NDST1: variants seen among roughly 807,000 people sequenced by gnomAD.
NDST1 encodes the protein N-deacetylase and N-sulfotransferase 1, also known as bifunctional heparan sulfate N-deacetylase/N-sulfotransferase 1.
Under a neutral mutation model 92.8 loss-of-function variants are expected in NDST1, and 35 were observed. The ratio of observed to expected loss-of-function variants is 0.38; its 90% CI spans 0.29 to 0.50. The LOEUF (loss-of-function observed/expected upper bound fraction) is 0.50. NDST1 is among the 20% of genes least tolerant of loss of function. NDST1 has a pLI of 0.94. For synonymous variants in NDST1, 493 were observed against 500.3 expected (o/e 0.99, Z 0.19); for missense variants, 822 against 1,182.7 (o/e 0.69, Z 4.47).
chr5:150,544,761 C>T (rs759202640), intron 10 of NDST1, among the ~76,000 whole-genome samples: 1 of 152,206 alleles, frequency 6.6e-6, no homozygotes, highest in East Asian at 1.9e-4. Flanking sequence ...TCTGGAAAGC[C>T]GTGCTCACCC....
At chr5:150,534,809 C>G (rs6890812) in intron 4 of NDST1, 58 bp from the exon 5 acceptor site, 1 of 1,611,116 alleles carries the variant, frequency 6.2e-7, no homozygotes, top group Non-Finnish European at 8.5e-7. Context: ...AGGCACAGGC[C>G]CAGGTTAGAG....
intron 12 of NDST1, 81 bp from the exon 13 acceptor site, chr5:150,549,597 G>A (rs1755634707): frequency 7.5e-6 from 6 of 799,900 alleles, no homozygotes; most frequent in Non-Finnish European, 1.3e-5. Flanking sequence ...TTATAAGCAG[G>A]CCCATTCCTG....
At chr5:150,514,019 C>T (rs1051927045) in intron 1 of NDST1, among the ~76,000 whole-genome samples, 2 of 152,216 alleles carry the variant, frequency 1.3e-5, no homozygotes, top group African/African-American at 4.8e-5. Context: ...TAGGGGAGTG[C>T]AGTGGGAGCC....
At chr5:150,507,340 G>T (rs1753505977), upstream of NDST1, among the ~76,000 whole-genome samples, 1 of 151,966 alleles carries the variant, frequency 6.6e-6, no homozygotes, top group Non-Finnish European at 1.5e-5. Flanking sequence ...GCTCTCCTTG[G>T]CATCCTCTAA....
In NDST1 at chr5:150,518,246, C is replaced by G. The variant is rs960419132; in HGVS notation, c.-387-2622C>G. Among the ~76,000 whole-genome samples the G allele has an allele frequency of 3.6e-3, 547 of 152,262 alleles. 1 individual carries two copies. Among genetic ancestry groups the G allele is most frequent in the African/African-American group, 0.013 (526 of 41,538 alleles). Reference sequence around the variant, plus strand: ...CTCCAGGAAGCCTTCCCTGTCCCCTCCTTCCCCCTGCCAGAAGAGTTAAGG... The same window carrying G: ...CTCCAGGAAGCCTTCCCTGTCCCCTGCTTCCCCCTGCCAGAAGAGTTAAGG... On this transcript the variant is annotated intron_variant, in intron 1 of 14. Transcript: ENST00000261797.
chr5:150,521,421 G>A lies in NDST1; in HGVS notation c.167G>A (p.Cys56Tyr). 2.5e-6 allele frequency: 4 copies of A among 1,612,784 alleles called. No individual in the cohort carries two copies. Among genetic ancestry groups the A allele is most frequent in the Non-Finnish European group, 3.4e-6 (4 of 1,179,812 alleles). Residue 56 changes from cysteine (C) to tyrosine (Y), a missense_variant, in exon 2 of 15, where the codon TGC (cysteine) becomes TAC (tyrosine). By Grantham distance (194) the Cys-to-Tyr change is radical. Coordinates refer to ENST00000261797, the MANE Select transcript of NDST1 (RefSeq NM_001543.5). The surrounding 1 kb of genome is among the most constrained non-coding windows in gnomAD (Gnocchi z 5.9). ...EPSADAPEPDCGDPPPVAPSR... is the reference protein window; with the variant it reads ...EPSADAPEPDYGDPPPVAPSR... The stretch of plus-strand genomic sequence containing the variant: ...TCGGCGGATGCCCCCGAGCCTGACT[G>A]CGGGGACCCGCCGCCTGTGGCCCCC...
chr5:150,537,772 C>T (rs775871862), intron 6 of NDST1, among the ~76,000 whole-genome samples: 5 of 152,230 alleles, frequency 3.3e-5, no homozygotes, highest in Non-Finnish European at 7.3e-5. Flanking sequence ...CTAATAAAAA[C>T]TTGCTGGTTT....
Position 150,554,337 on chromosome 5 carries a change from A to T in NDST1, c.*1005A>T, listed in dbSNP as rs1406376266. The T allele has an allele frequency of 1.1e-4, 17 of 147,870 alleles. No individual in the cohort carries two copies. Among genetic ancestry groups the T allele is most frequent in the Middle Eastern group, 3.2e-3 (1 of 310 alleles). The allele number at this position is 147,870 out of a possible 1,614,324, so 9.2% of individuals were successfully genotyped here. ...CTGGGTGCTGGGGTCGCACTGTGTT[A>T]TATATATATATATATATATATAATG... On this transcript the variant is annotated 3_prime_UTR_variant, in exon 15 of 15. Transcript: ENST00000261797.
At chr5:150,520,846 C>G (rs900090691) in intron 1 of NDST1, 22 bp from the exon 2 acceptor site, 1 of 426,000 alleles carries the variant, frequency 2.3e-6, no homozygotes, top group African/African-American at 2.0e-5. Flanking sequence ...TCTGACGCTC[C>G]TGTTCTCTCC....
Position 150,545,447 on chromosome 5 carries a change from C to A in NDST1, c.2106C>A (p.Ile702=). ...TGCCCAAAGCCAAGGTCCTGACCAT[C>A]CTCATCAACCCCGCGGACCGGGCCT... is the stretch of plus-strand genomic sequence containing the variant. ...ALLPKAKVLT[I]LINPADRAYS... is the part of the protein sequence containing the mutation. Residue 702 remains isoleucine (I), a synonymous_variant, in exon 11 of 15, where the codon ATC becomes ATA. Transcript: ENST00000261797. The A allele has an allele frequency of 6.2e-7, 1 of 1,614,266 alleles. No homozygotes were observed. Among genetic ancestry groups the A allele is most frequent in the Non-Finnish European group, 8.5e-7 (1 of 1,180,046 alleles).
Position 150,549,544 on chromosome 5 carries a change from CAG to C in NDST1, c.2317-133_2317-132del. On this transcript the variant is annotated intron_variant, in intron 12 of 14. Transcript: ENST00000261797. ...GAGCTTGGGGATACCTGCCCTTCAA[CAG>C]GGGAGGAGGAGCCAGTTCTAGAGGG... 7 of 697,198 alleles carry C rather than the reference CAG, an allele frequency of 1.0e-5. No homozygotes were observed. In the South Asian group the frequency reaches 1.1e-4, roughly 11 times the overall value. 43.2% of individuals were successfully genotyped at this position (697,198 alleles called of 1,614,324 possible).
intron 12 of NDST1, 76 bp downstream of exon 12, chr5:150,548,464 T>C: frequency 6.5e-7 from 1 of 1,528,216 alleles, no homozygotes; most frequent in Non-Finnish European, 8.9e-7. Context: ...CCTCCAACTC[T>C]TTCTCACCAG....
At chr5:150,523,420 C>T (rs1157719768) in intron 2 of NDST1, among the ~76,000 whole-genome samples, 1 of 152,236 alleles carries the variant, frequency 6.6e-6, no homozygotes, top group African/African-American at 2.4e-5. Flanking sequence ...GCACCGTCTA[C>T]ATGCGTTGTG....
rs375778837 is a variant in NDST1 at position 150,517,596 on chromosome 5, C to T, written c.-387-3272C>T. Among the ~76,000 whole-genome samples the T allele has an allele frequency of 2.4e-4, 36 of 152,320 alleles. No homozygotes were observed. In the South Asian group the frequency reaches 7.2e-3, roughly 31 times the overall value. ...GTATCTACCATCGTCGTCTCATACA[C>T]AGTAGTTTCACTGCCAAAAAAATTT... On this transcript the variant is annotated intron_variant, in intron 1 of 14. Transcript: ENST00000261797.
At chr5:150,528,935 T>C (rs543169143) in intron 3 of NDST1, among the ~76,000 whole-genome samples, 3 of 152,376 alleles carry the variant, frequency 2.0e-5, no homozygotes, top group African/African-American at 7.2e-5. Context: ...CAATGCTGTT[T>C]GTCTGCCTTT....
Position 150,557,789 on chromosome 5 carries a change from G to A in NDST1, c.*4457G>A, listed in dbSNP as rs1440413155. 2.0e-5 allele frequency: 3 copies of A among 152,674 alleles called. No homozygotes were observed. The highest frequency in any genetic ancestry group is 4.4e-5 in the Non-Finnish European group (3 of 68,078). 9.5% of individuals were successfully genotyped at this position (152,674 alleles called of 1,614,324 possible). A position where few individuals can be genotyped will look rare whatever the true frequency, so the allele number is the denominator to read the frequency against. ...TCAGCTTCCCTAAGGGACTGGCATA[G>A]GGTTTTGTGGGGTCAATGCCAGGAA... On this transcript the variant is annotated 3_prime_UTR_variant, in exon 15 of 15. Transcript: ENST00000261797. This position sits in a 1 kb window ranked among gnomAD's most constrained non-coding sequence, Gnocchi z 4.7.
At chr5:150,522,281 A>T (rs1199967758) in intron 2 of NDST1, among the ~76,000 whole-genome samples, 2 of 152,096 alleles carry the variant, frequency 1.3e-5, no homozygotes, top group Non-Finnish European at 2.9e-5. Flanking sequence ...TATGGCGTTA[A>T]TATACCTCCT....
chr5:150,514,564 A>G, intron 1 of NDST1, among the ~76,000 whole-genome samples: 1 of 150,130 alleles, frequency 6.7e-6, no homozygotes, highest in Non-Finnish European at 1.5e-5. Context: ...CCGTCTCAAA[A>G]AAAAAAAAAA....
At chr5:150,522,245 G>A (rs1754271118) in intron 2 of NDST1, among the ~76,000 whole-genome samples, 1 of 152,128 alleles carries the variant, frequency 6.6e-6, no homozygotes, top group African/African-American at 2.4e-5. Context: ...TCTATCCCAT[G>A]CTCTTCCCTC....
Sources: allele counts gnomAD v4.1 joint callset (sites outside exome capture counted in the v4.1 genomes callset), GRCh38; gene constraint gnomAD v4.1.1; non-coding constraint Gnocchi (gnomAD v3.1); transcripts MANE v1.5; gene names NCBI Gene and HGNC (gene_info 2026-07-23, HGNC 2026-07-21).